Variants in ARL15 observed in about 807,000 individuals in gnomAD.
ARL15 encodes the protein ADP-ribosylation factor-like protein 15.
ARL15 carries 19 observed loss-of-function variants against 25.2 expected under a neutral mutation model. The observed-to-expected ratio is 0.75, with a 90% CI of 0.53 to 1.10. The LOEUF (loss-of-function observed/expected upper bound fraction) is 1.10. Among genes scored for constraint, ARL15 ranks in the 50% least tolerant of loss-of-function variants. The pLI, the probability that ARL15 is intolerant of heterozygous loss-of-function variation, is 0.00. For synonymous variants in ARL15, 94 were observed against 86.8 expected (o/e 1.08, Z -0.46); for missense variants, 220 against 246.0 (o/e 0.89, Z 0.71).
At chr5:53,938,740 A>G (rs1746434887) in intron 4 of ARL15, among the ~76,000 whole-genome samples, 1 of 152,182 alleles carries the variant, frequency 6.6e-6, no homozygotes, top group Non-Finnish European at 1.5e-5. Context: ...GTTACTTGGG[A>G]GGCTGAGGTA....
intron 4 of ARL15, among the ~76,000 whole-genome samples, chr5:54,004,661 T>C (rs1748959045): frequency 6.6e-6 from 1 of 152,166 alleles, no homozygotes; most frequent in South Asian, 2.1e-4. Flanking sequence ...CCATTTGCAC[T>C]TACTGGTAAA....
At chr5:54,050,248 T>G (rs1448107933) in intron 4 of ARL15, among the ~76,000 whole-genome samples, 1 of 152,208 alleles carries the variant, frequency 6.6e-6, no homozygotes, top group Non-Finnish European at 1.5e-5. Flanking sequence ...TGGGAGGGAT[T>G]TAACTCTTAC....
At chr5:54,199,111 T>A (rs574621819) in intron 1 of ARL15, among the ~76,000 whole-genome samples, 1 of 152,188 alleles carries the variant, frequency 6.6e-6, no homozygotes, top group Admixed American at 6.5e-5. Flanking sequence ...AAGCTGAAAC[T>A]GGATCCCTTC....
At chr5:54,211,114 T>C (rs1756026703) in intron 1 of ARL15, among the ~76,000 whole-genome samples, 1 of 152,240 alleles carries the variant, frequency 6.6e-6, no homozygotes, top group Admixed American at 6.5e-5. Context: ...TAGCTATTAC[T>C]GAACTAGAAA....
At chr5:54,167,090 C>A (rs1357022599) in intron 2 of ARL15, among the ~76,000 whole-genome samples, 1 of 152,166 alleles carries the variant, frequency 6.6e-6, no homozygotes, top group East Asian at 1.9e-4. Flanking sequence ...ATAAGTTTTT[C>A]AGTCCATCTG....
intron 1 of ARL15, among the ~76,000 whole-genome samples, chr5:54,252,071 T>C (rs1757247436): frequency 6.6e-6 from 1 of 152,214 alleles, no homozygotes; most frequent in African/African-American, 2.4e-5. Flanking sequence ...TTCCATGCTA[T>C]CAGCAACATG....
intron 1 of ARL15, among the ~76,000 whole-genome samples, chr5:54,187,921 T>C (rs983482479): frequency 9.2e-5 from 14 of 152,244 alleles, no homozygotes; most frequent in African/African-American, 2.9e-4. Context: ...GTCTGGGCTA[T>C]TGTTTGTCAC....
In ARL15 at chr5:53,988,276, G is replaced by A. The variant is rs138121350; in HGVS notation, c.463-101563C>T. ...GATTGTGCCACTGCACTCCAGCCTG[G>A]GCAACCAAGTGAGAGCCTGTCTCAA... On this transcript the variant is annotated intron_variant, in intron 4 of 4. Transcript: ENST00000504924. Among the ~76,000 whole-genome samples, 366 of 150,952 alleles carry A rather than the reference G, an allele frequency of 2.4e-3. 1 individual carries two copies. Among genetic ancestry groups the A allele is most frequent in the African/African-American group, 8.7e-3 (357 of 41,084 alleles).
intron 1 of ARL15, among the ~76,000 whole-genome samples, chr5:54,218,011 T>C (rs1481199040): frequency 2.0e-5 from 3 of 152,156 alleles, no homozygotes; most frequent in Admixed American, 6.6e-5. Context: ...AATGAAATGT[T>C]AGGCAGTATT....
chr5:54,192,420 C>T (rs954431742), intron 1 of ARL15, among the ~76,000 whole-genome samples: 4 of 151,954 alleles, frequency 2.6e-5, no homozygotes, highest in Non-Finnish European at 5.9e-5. Flanking sequence ...AACATAAGTC[C>T]CATGACGGCA....
intron 4 of ARL15, among the ~76,000 whole-genome samples, chr5:54,074,329 C>G (rs866524998): frequency 6.6e-6 from 1 of 152,152 alleles, no homozygotes; most frequent in South Asian, 2.1e-4. Context: ...TACAATACAT[C>G]CAAAAATAGT....
intron 4 of ARL15, among the ~76,000 whole-genome samples, chr5:54,028,630 C>T (rs1306321086): frequency 6.6e-6 from 1 of 151,938 alleles, no homozygotes; most frequent in African/African-American, 2.4e-5. Flanking sequence ...TCTGTTCTAC[C>T]CAACACTTAA....
chr5:53,980,779 T>A (rs1745898870), intron 4 of ARL15, among the ~76,000 whole-genome samples: 1 of 152,058 alleles, frequency 6.6e-6, no homozygotes, highest in Non-Finnish European at 1.5e-5. Context: ...AAAAGAAAAC[T>A]CCAAATCAGA....
chr5:54,221,839 A>G (rs904180161), intron 1 of ARL15, among the ~76,000 whole-genome samples: 2 of 137,686 alleles, frequency 1.5e-5, no homozygotes, highest in African/African-American at 3.2e-5. Flanking sequence ...ACACACACAC[A>G]CACACACACA....
intron 2 of ARL15, among the ~76,000 whole-genome samples, chr5:54,156,451 C>T (rs955804799): frequency 4.6e-5 from 7 of 152,296 alleles, no homozygotes; most frequent in Admixed American, 2.0e-4. Flanking sequence ...ATATAATATA[C>T]GATTGCTGGC....
intron 1 of ARL15, among the ~76,000 whole-genome samples, chr5:54,228,036 T>A (rs1055405691): frequency 6.6e-6 from 1 of 152,150 alleles, no homozygotes; most frequent in Non-Finnish European, 1.5e-5. Context: ...GAAGGAAACT[T>A]GGGACTTGTA....
At chr5:53,896,438 G>A (rs1469985169) in intron 4 of ARL15, among the ~76,000 whole-genome samples, 3 of 152,116 alleles carry the variant, frequency 2.0e-5, no homozygotes, top group African/African-American at 7.2e-5. Flanking sequence ...ATAATTCCAT[G>A]TAACTTGAGG....
At chr5:53,888,865 A>G (rs1744626082) in intron 4 of ARL15, among the ~76,000 whole-genome samples, 1 of 152,174 alleles carries the variant, frequency 6.6e-6, no homozygotes, top group African/African-American at 2.4e-5. Flanking sequence ...GCTGAAAATC[A>G]GAGATGTTGG....
intron 2 of ARL15, among the ~76,000 whole-genome samples, chr5:54,161,184 T>C (rs937791912): frequency 2.6e-5 from 4 of 152,206 alleles, no homozygotes; most frequent in Non-Finnish European, 5.9e-5. Flanking sequence ...CCTTGTTGTA[T>C]GGCATTTAAA....
Sources: gnomAD v4.1 joint callset for allele counts (sites outside exome capture counted in the v4.1 genomes callset) on GRCh38, gnomAD v4.1.1 for gene constraint, MANE v1.5 for transcripts, NCBI Gene and HGNC (gene_info 2026-07-23, HGNC 2026-07-21) for gene names.